The following SIAH3 variants were observed in gnomAD, a reference collection of about 807,000 sequenced individuals.
SIAH3 encodes seven in absentia homolog 3.
A neutral mutation model predicts 12.6 loss-of-function variants in SIAH3; 9 were observed. The observed-to-expected ratio is 0.72, with a 90% CI of 0.43 to 1.25. The LOEUF (loss-of-function observed/expected upper bound fraction) is 1.25. Among genes scored for constraint, SIAH3 ranks in the 50% most tolerant of loss-of-function variants. The pLI, the probability that SIAH3 is intolerant of heterozygous loss-of-function variation, is 0.00. For missense variants in SIAH3, 390 were observed against 365.4 expected, an observed-to-expected ratio of 1.07 and a Z score of -0.55; for synonymous variants, 154 against 151.1, an observed-to-expected ratio of 1.02 and a Z score of -0.14.
At chr13:45,818,197 C>A (rs1950641532) in intron 1 of SIAH3, among the ~76,000 whole-genome samples, 1 of 152,206 alleles carries the variant, frequency 6.6e-6, no homozygotes, top group African/African-American at 2.4e-5. Flanking sequence ...ATGCACCTTG[C>A]ATGACTTCCT....
chr13:45,829,259 CT>C, intron 1 of SIAH3, among the ~76,000 whole-genome samples: 1 of 152,268 alleles, frequency 6.6e-6, no homozygotes, highest in South Asian at 2.1e-4. Context: ...AACTGTGCAG[CT>C]TGGTGAATTT....
intron 1 of SIAH3, among the ~76,000 whole-genome samples, chr13:45,830,927 C>T (rs1003804585): frequency 2.0e-5 from 3 of 152,056 alleles, no homozygotes; most frequent in Admixed American, 6.6e-5. Flanking sequence ...ACCTGTAATC[C>T]CAGCACTTTG....
At chr13:45,847,556 A>C (rs1344449347) in intron 1 of SIAH3, among the ~76,000 whole-genome samples, 1 of 151,930 alleles carries the variant, frequency 6.6e-6, no homozygotes, top group East Asian at 1.9e-4. Flanking sequence ...CCCCAGCTTT[A>C]GATTTCATAT....
chr13:45,819,081 C>G (rs1950645560), intron 1 of SIAH3, among the ~76,000 whole-genome samples: 1 of 152,102 alleles, frequency 6.6e-6, no homozygotes. Context: ...GCTCTGGCTG[C>G]AGTGTGCTTG....
At chr13:45,787,566 G>A (rs1258843984) in intron 1 of SIAH3, among the ~76,000 whole-genome samples, 1 of 152,192 alleles carries the variant, frequency 6.6e-6, no homozygotes, top group Non-Finnish European at 1.5e-5. Flanking sequence ...TAGCAGAAAA[G>A]GCAAAGGACC....
At chr13:45,825,446 A>C (rs1263562200) in intron 1 of SIAH3, among the ~76,000 whole-genome samples, 1 of 152,214 alleles carries the variant, frequency 6.6e-6, no homozygotes, top group Non-Finnish European at 1.5e-5. Context: ...TCTTCCCCAG[A>C]AAACGGATTT....
At chr13:45,809,665 T>C (rs1431327406) in intron 1 of SIAH3, among the ~76,000 whole-genome samples, 1 of 152,222 alleles carries the variant, frequency 6.6e-6, no homozygotes. Flanking sequence ...AAACTATATA[T>C]GCATAATATG....
At chr13:45,815,013 A>T (rs569388433) in intron 1 of SIAH3, among the ~76,000 whole-genome samples, 4 of 151,746 alleles carry the variant, frequency 2.6e-5, no homozygotes, top group African/African-American at 9.7e-5. Flanking sequence ...ATGAGCCACC[A>T]TGCCCGGCCT....
At chr13:45,799,850 T>C (rs1233395623) in intron 1 of SIAH3, among the ~76,000 whole-genome samples, 1 of 152,232 alleles carries the variant, frequency 6.6e-6, no homozygotes, top group Non-Finnish European at 1.5e-5. Context: ...GAACTAATCC[T>C]AATATTAAGT....
intron 1 of SIAH3, among the ~76,000 whole-genome samples, chr13:45,836,629 G>C (rs1950718831): frequency 6.6e-6 from 1 of 152,172 alleles, no homozygotes; most frequent in African/African-American, 2.4e-5. Flanking sequence ...GTGAGGGGAT[G>C]GGGAGAGGGA....
At chr13:45,827,100 T>G (rs934226759) in intron 1 of SIAH3, among the ~76,000 whole-genome samples, 1 of 152,214 alleles carries the variant, frequency 6.6e-6, no homozygotes, top group African/African-American at 2.4e-5. Context: ...TATTCTTTGT[T>G]TCCCTGGCCC....
rs576816441 is a variant in SIAH3 at position 45,841,855 on chromosome 13, T to C, written c.135+9640A>G. Reference sequence around the variant, plus strand: ...AGAGACACAAGGAACATTTGCCTTTTTAATGCCCCGCTGTTGTCCAGCTGG... The same window carrying C: ...AGAGACACAAGGAACATTTGCCTTTCTAATGCCCCGCTGTTGTCCAGCTGG... On this transcript the variant is annotated intron_variant, in intron 1 of 1. Coordinates refer to ENST00000400405, the MANE Select transcript of SIAH3 (RefSeq NM_198849.3). Among the ~76,000 whole-genome samples, 23 of 152,326 alleles carry C rather than the reference T, an allele frequency of 1.5e-4. No individual in the cohort carries two copies. In the South Asian group the frequency reaches 4.6e-3, roughly 30 times the overall value.
In SIAH3 at chr13:45,783,336, G is replaced by A; in HGVS notation, c.*47C>T. ...GGAGTCCTGGTATTGGGAGGTCCCAGGCGTTTCCTAGGGAGGCTGTGTGGG... is the reference window on the plus strand; with the variant it reads ...GGAGTCCTGGTATTGGGAGGTCCCAAGCGTTTCCTAGGGAGGCTGTGTGGG... On this transcript the variant is annotated 3_prime_UTR_variant, in exon 2 of 2. Coordinates refer to ENST00000400405, the MANE Select transcript of SIAH3 (RefSeq NM_198849.3). 1 of 1,533,570 alleles carries A rather than the reference G, an allele frequency of 6.5e-7. No individual in the cohort carries two copies. The highest frequency in any genetic ancestry group is 8.9e-7 in the Non-Finnish European group (1 of 1,123,170). The allele number at this position is 1,533,570 out of a possible 1,614,324, so 95.0% of individuals were successfully genotyped here.
chr13:45,808,623 G>A (rs1950606103), intron 1 of SIAH3, among the ~76,000 whole-genome samples: 2 of 152,152 alleles, frequency 1.3e-5, no homozygotes, highest in South Asian at 4.1e-4. Context: ...AAAGAATATT[G>A]TATATTTTGT....
chr13:45,832,013 C>T (rs1367450495), intron 1 of SIAH3, among the ~76,000 whole-genome samples: 1 of 151,990 alleles, frequency 6.6e-6, no homozygotes, highest in Non-Finnish European at 1.5e-5. Context: ...CATTTCCAGC[C>T]CAGGGGTGGG....
At chr13:45,847,717 A>T (rs901570302) in intron 1 of SIAH3, among the ~76,000 whole-genome samples, 5 of 151,640 alleles carry the variant, frequency 3.3e-5, no homozygotes, top group African/African-American at 1.2e-4. Context: ...CACAGGTTGG[A>T]GGTATCAGAG....
chr13:45,837,666 G>T (rs925362316), intron 1 of SIAH3, among the ~76,000 whole-genome samples: 3 of 152,150 alleles, frequency 2.0e-5, no homozygotes, highest in Admixed American at 6.5e-5. Context: ...CAATGTTTAT[G>T]AAAGAACTAC....
intron 1 of SIAH3, among the ~76,000 whole-genome samples, chr13:45,840,890 A>G (rs1328380204): frequency 1.3e-5 from 2 of 152,214 alleles, no homozygotes; most frequent in Non-Finnish European, 2.9e-5. Flanking sequence ...GCTGGGTGAC[A>G]TTGAGTAAGA....
intron 1 of SIAH3, among the ~76,000 whole-genome samples, chr13:45,832,842 T>C (rs992959171): frequency 1.3e-5 from 2 of 152,258 alleles, no homozygotes; most frequent in South Asian, 4.1e-4. Flanking sequence ...CTTGTTATTT[T>C]TCTGTTGACT....
Sources: allele counts gnomAD v4.1 joint callset (sites outside exome capture counted in the v4.1 genomes callset), GRCh38; gene constraint gnomAD v4.1.1; transcripts MANE v1.5; gene names NCBI Gene and HGNC (gene_info 2026-07-23, HGNC 2026-07-21).